RGS20: variants seen among roughly 807,000 people sequenced by gnomAD.
RGS20 encodes the protein gz-selective GTPase-activating protein.
In RGS20, 30 loss-of-function variants were observed where a neutral mutation model predicts 33.6. The ratio of observed to expected loss-of-function variants is 0.89; its 90% CI spans 0.67 to 1.21. The LOEUF is 1.21. RGS20 is among the 50% of genes most tolerant of loss of function. The pLI is 0.00. For missense variants in RGS20, 472 were observed against 502.4 expected, an observed-to-expected ratio of 0.94 and a Z score of 0.58; for synonymous variants, 208 against 197.9, an observed-to-expected ratio of 1.05 and a Z score of -0.43.
chr8:53,874,015 A>G (rs953545612), intron 1 of RGS20, among the ~76,000 whole-genome samples: 1 of 152,136 alleles, frequency 6.6e-6, no homozygotes, highest in East Asian at 1.9e-4. Context: ...CCTGGCCAAC[A>G]TGATGAAACC....
Position 53,860,811 on chromosome 8 carries a change from A to G in RGS20, c.165+8747A>G, listed in dbSNP as rs182197823. On this transcript the variant is annotated intron_variant, in intron 1 of 5. Transcript: ENST00000297313. ...TGAAACCCCATCTCTACTAAAAAAT[A>G]CAAAAATTAGCTGGGTGTGGTGGCA... is the stretch of plus-strand genomic sequence containing the variant. Among the ~76,000 whole-genome samples the G allele has an allele frequency of 8.5e-4, 130 of 152,284 alleles. 1 individual carries two copies. Among genetic ancestry groups the G allele is most frequent in the South Asian group, 6.8e-3 (33 of 4,834 alleles).
At chr8:53,918,380 CTTT>C (rs59221719) in intron 2 of RGS20, among the ~76,000 whole-genome samples, 7,133 of 149,648 alleles carry the variant, frequency 0.048, 546 homozygotes, top group African/African-American at 0.16. Flanking sequence ...CACATATTTT[CTTT>C]TTTTTTCTTT....
intron 2 of RGS20, among the ~76,000 whole-genome samples, chr8:53,889,400 C>T (rs1812638875): frequency 2.9e-5 from 2 of 69,220 alleles, no homozygotes; most frequent in Admixed American, 1.5e-4. Context: ...TTCTTTCTTT[C>T]TCTCTCTCTC....
At chr8:53,921,590 T>C (rs1036902483) in intron 2 of RGS20, among the ~76,000 whole-genome samples, 1 of 152,066 alleles carries the variant, frequency 6.6e-6, no homozygotes, top group African/African-American at 2.4e-5. Context: ...TTTATGACTT[T>C]CCAGGATTTT....
rs4014055 is a variant in RGS20, at chr8:53,884,191, C to CTTTTTTTTTTTTTT, written c.510+4598_510+4611dup. 5.8e-5 allele frequency among the ~76,000 whole-genome samples: 6 copies of CTTTTTTTTTTTTTT among 103,478 alleles called. 1 individual carries two copies. The highest frequency in any genetic ancestry group is 2.3e-4 in the African/African-American group (5 of 22,098). The allele number at this position is 103,478 out of a possible 152,430, so 67.9% of individuals were successfully genotyped here. ...CCATCATCCAAATTAGAAAAACAGTCTTTTTTTTTTTTTTTTTTTTTTGAT... is the reference window on the plus strand; with the variant it reads ...CCATCATCCAAATTAGAAAAACAGTCTTTTTTTTTTTTTTTTTTTTTTTTTTTTTTTTTTTTGAT... On this transcript the variant is annotated intron_variant, in intron 2 of 5. Transcript: ENST00000297313.
intron 2 of RGS20, among the ~76,000 whole-genome samples, chr8:53,896,281 C>G (rs1490233925): frequency 1.3e-5 from 2 of 151,890 alleles, no homozygotes; most frequent in East Asian, 1.9e-4. Flanking sequence ...TGCTGTCCCC[C>G]CCAAAAAAAG....
chr8:53,912,010 T>G (rs1166566755), intron 2 of RGS20, among the ~76,000 whole-genome samples: 1 of 151,994 alleles, frequency 6.6e-6, no homozygotes, highest in Non-Finnish European at 1.5e-5. Flanking sequence ...AATAAGGATA[T>G]TTAAACTGGA....
At chr8:53,928,784 T>C (rs1292029518) in intron 2 of RGS20, among the ~76,000 whole-genome samples, 1 of 151,660 alleles carries the variant, frequency 6.6e-6, no homozygotes, top group Non-Finnish European at 1.5e-5. Flanking sequence ...GATCACACCA[T>C]TGCACTCCAG....
chr8:53,855,304 A>G (rs1295856433), intron 1 of RGS20, among the ~76,000 whole-genome samples: 1 of 152,142 alleles, frequency 6.6e-6, no homozygotes, highest in African/African-American at 2.4e-5. Context: ...ACCACAAGTG[A>G]TCCGCCCACC....
Position 53,958,465 on chromosome 8 carries a change from T to A in RGS20, c.*7T>A. 7.2e-7 allele frequency: 1 copy of A among 1,379,664 alleles called. No individual in the cohort carries two copies. The highest frequency in any genetic ancestry group is 9.5e-7 in the Non-Finnish European group (1 of 1,050,358). 85.5% of individuals were successfully genotyped at this position (1,379,664 alleles called of 1,614,324 possible). ...GAAATCTATTGAAGCATAGGATTTT[T>A]CAAATATATTTATTATTAATAAAAT... is the stretch of plus-strand genomic sequence containing the variant. On this transcript the variant is annotated 3_prime_UTR_variant, in exon 6 of 6. Transcript: ENST00000297313.
chr8:53,872,534 A>G (rs1300899839), intron 1 of RGS20, among the ~76,000 whole-genome samples: 6 of 152,176 alleles, frequency 3.9e-5, no homozygotes, highest in Non-Finnish European at 7.4e-5. Flanking sequence ...GGAGACACAC[A>G]ATAAATGTTT....
intron 2 of RGS20, among the ~76,000 whole-genome samples, chr8:53,883,137 G>T (rs1481410412): frequency 2.0e-5 from 3 of 150,838 alleles, no homozygotes; most frequent in African/African-American, 7.3e-5. Context: ...TCTTCTGTTC[G>T]TTAAGTGACA....
At chr8:53,892,215 C>T (rs900962065) in intron 2 of RGS20, among the ~76,000 whole-genome samples, 3 of 152,134 alleles carry the variant, frequency 2.0e-5, no homozygotes, top group African/African-American at 7.2e-5. Flanking sequence ...ACAAAGGACA[C>T]GAACTCATCA....
intron 1 of RGS20, among the ~76,000 whole-genome samples, chr8:53,871,936 C>A (rs73680339): frequency 6.6e-6 from 1 of 152,102 alleles, no homozygotes; most frequent in Admixed American, 6.6e-5. Context: ...GACTCCCACC[C>A]AGACCTCCCT....
chr8:53,925,395 A>T (rs1477193372), intron 2 of RGS20, among the ~76,000 whole-genome samples: 4 of 152,148 alleles, frequency 2.6e-5, no homozygotes, highest in Non-Finnish European at 5.9e-5. Flanking sequence ...AAAAAAAAAT[A>T]TGAACCAGAG....
chr8:53,942,565 C>G (rs912405749), intron 3 of RGS20, among the ~76,000 whole-genome samples: 2 of 152,050 alleles, frequency 1.3e-5, no homozygotes, highest in Non-Finnish European at 2.9e-5. Flanking sequence ...CTACAGCATT[C>G]ATCTGAGTGA....
At chr8:53,887,978 TAA>T (rs111681980) in intron 2 of RGS20, among the ~76,000 whole-genome samples, 5 of 144,250 alleles carry the variant, frequency 3.5e-5, no homozygotes, top group African/African-American at 5.0e-5. Flanking sequence ...GACCCTGACT[TAA>T]AAAAAAAAAA....
chr8:53,905,812 A>G (rs1451490542), intron 2 of RGS20, among the ~76,000 whole-genome samples: 1 of 152,196 alleles, frequency 6.6e-6, no homozygotes, highest in Non-Finnish European at 1.5e-5. Flanking sequence ...GAGCAGCCAA[A>G]AAAAGACTTC....
intron 2 of RGS20, among the ~76,000 whole-genome samples, chr8:53,922,742 A>AG (rs1813686235): frequency 6.6e-6 from 1 of 152,124 alleles, no homozygotes; most frequent in Admixed American, 6.6e-5. Flanking sequence ...GTGCAATCAT[A>AG]GCTCGAACTC....
Sources: gnomAD v4.1 joint callset for allele counts (sites outside exome capture counted in the v4.1 genomes callset) on GRCh38, gnomAD v4.1.1 for gene constraint, MANE v1.5 for transcripts, NCBI Gene and HGNC (gene_info 2026-07-23, HGNC 2026-07-21) for gene names.